Variants in ATP13A4 observed in about 807,000 individuals in gnomAD.
ATP13A4 encodes ATPase 13A4, also known as probable cation-transporting ATPase 13A4.
ATP13A4 carries 114 observed loss-of-function variants against 142.5 expected under a neutral mutation model. The observed-to-expected ratio is 0.80, with a 90% CI of 0.69 to 0.93. ATP13A4 has a LOEUF of 0.93. Ranked by LOEUF, ATP13A4 falls within the 40% of genes least tolerant of loss-of-function variation. The pLI, the probability that ATP13A4 is intolerant of heterozygous loss-of-function variation, is 0.00. For synonymous variants in ATP13A4, 488 were observed against 514.8 expected (o/e 0.95, Z 0.70); for missense variants, 1,392 against 1,454.0 (o/e 0.96, Z 0.69).
intron 1 of ATP13A4, among the ~76,000 whole-genome samples, chr3:193,542,447 T>C (rs1722982312): frequency 6.6e-6 from 1 of 152,154 alleles, no homozygotes; most frequent in Admixed American, 6.5e-5. Context: ...GCCATTGACA[T>C]TCTTCATAGA....
intron 1 of ATP13A4, among the ~76,000 whole-genome samples, chr3:193,549,665 A>G (rs1305008906): frequency 6.6e-6 from 1 of 152,038 alleles, no homozygotes; most frequent in African/African-American, 2.4e-5. Context: ...CCCTCTCTCT[A>G]CATAAAATAC....
chr3:193,412,615 GAGAGAGAGAGAGAC>G (rs374110385), intron 26 of ATP13A4, among the ~76,000 whole-genome samples: 3 of 151,996 alleles, frequency 2.0e-5, no homozygotes, highest in African/African-American at 7.2e-5. Flanking sequence ...TACATTGAGA[GAGAGAGAGAGAGAC>G]AGAGAGAGAG....
At chr3:193,562,303 T>G (rs930260706) in intron 2 of ATP13A4, among the ~76,000 whole-genome samples, 1 of 152,152 alleles carries the variant, frequency 6.6e-6, no homozygotes, top group Admixed American at 6.5e-5. Flanking sequence ...AATAAAAGAA[T>G]AAAGTAGATC....
chr3:193,527,477 T>A (rs659400), intron 1 of ATP13A4, among the ~76,000 whole-genome samples: 68,769 of 151,756 alleles, frequency 0.45, 16,088 homozygotes, highest in South Asian at 0.59. Context: ...CTGGGCATGG[T>A]GACATGTGCC....
chr3:193,440,409 T>C, intron 21 of ATP13A4, 149 bp downstream of exon 21: 1 of 1,436,712 alleles, frequency 7.0e-7, no homozygotes, highest in Non-Finnish European at 9.4e-7. Flanking sequence ...TACTGCTATT[T>C]TCTCCAAAGC....
intron 24 of ATP13A4, among the ~76,000 whole-genome samples, chr3:193,434,716 C>T (rs1445969664): frequency 6.6e-6 from 1 of 152,128 alleles, no homozygotes; most frequent in African/African-American, 2.4e-5. Flanking sequence ...GACGAACTTT[C>T]TTTCCTTGGT....
chr3:193,502,667 A>G, intron 2 of ATP13A4, 28 bp from the exon 3 acceptor site: 13 of 1,607,130 alleles, frequency 8.1e-6, no homozygotes, highest in Non-Finnish European at 1.0e-5. Flanking sequence ...AAAACCCCCA[A>G]GAAGTTAAGA....
chr3:193,490,988 A>G (rs1719911688), intron 6 of ATP13A4, among the ~76,000 whole-genome samples: 1 of 152,168 alleles, frequency 6.6e-6, no homozygotes, highest in Non-Finnish European at 1.5e-5. Flanking sequence ...TGTATCTGTT[A>G]CCTAACAAAA....
chr3:193,523,209 C>A (rs146424837), intron 1 of ATP13A4, among the ~76,000 whole-genome samples: 1 of 151,574 alleles, frequency 6.6e-6, no homozygotes, highest in African/African-American at 2.4e-5. Flanking sequence ...GCAGCTGAGA[C>A]AGGAGAATCA....
At chr3:193,504,685 T>C (rs1290525831) in intron 2 of ATP13A4, among the ~76,000 whole-genome samples, 1 of 152,130 alleles carries the variant, frequency 6.6e-6, no homozygotes, top group Non-Finnish European at 1.5e-5. Context: ...CATTTTTATG[T>C]CGAGCCTGAA....
At chr3:193,448,148 A>T in intron 18 of ATP13A4, 58 bp downstream of exon 18, 1 of 1,603,814 alleles carries the variant, frequency 6.2e-7, no homozygotes, top group Non-Finnish European at 8.5e-7. Context: ...AAATGAGTGA[A>T]CCATGTCTAT....
At chr3:193,442,191 T>C (rs1038347528) in intron 19 of ATP13A4, among the ~76,000 whole-genome samples, 2 of 152,224 alleles carry the variant, frequency 1.3e-5, no homozygotes, top group African/African-American at 4.8e-5. Flanking sequence ...GGTTAAAAGA[T>C]GGATTATTTC....
At chr3:193,486,257 G>GTTTAGAAGTTTATATTTTAGAAGTTT (rs1389537254) in intron 7 of ATP13A4, among the ~76,000 whole-genome samples, 14 of 152,256 alleles carry the variant, frequency 9.2e-5, no homozygotes, top group Non-Finnish European at 1.5e-4. Context: ...AGTCTGCGAT[G>GTTTAGAAGTTTATATTTTAGAAGTTT]AGATTTAGAA....
intron 25 of ATP13A4, among the ~76,000 whole-genome samples, chr3:193,428,036 A>T (rs1445005398): frequency 1.3e-5 from 2 of 152,110 alleles, no homozygotes; most frequent in African/African-American, 2.4e-5. Context: ...TTTGCAATCT[A>T]CTCATCTGAC....
chr3:193,447,756 C>T (rs906398468), intron 18 of ATP13A4, among the ~76,000 whole-genome samples: 1 of 152,136 alleles, frequency 6.6e-6, no homozygotes, highest in Non-Finnish European at 1.5e-5. Context: ...TCTTAAATTT[C>T]TAGAATCGTG....
intron 1 of ATP13A4, among the ~76,000 whole-genome samples, chr3:193,552,109 G>A (rs1237135977): frequency 1.3e-5 from 2 of 152,294 alleles, no homozygotes; most frequent in East Asian, 3.9e-4. Context: ...AAGTAGCTGG[G>A]ACTACAGGTG....
chr3:193,558,505 C>T (rs2108735222), upstream of ATP13A4, among the ~76,000 whole-genome samples: 1 of 152,222 alleles, frequency 6.6e-6, no homozygotes, highest in East Asian at 1.9e-4. Context: ...ATAAATTATG[C>T]CCCAGAAAAG....
chr3:193,508,419 A>G (rs1417026477), intron 2 of ATP13A4, among the ~76,000 whole-genome samples: 1 of 152,064 alleles, frequency 6.6e-6, no homozygotes, highest in Non-Finnish European at 1.5e-5. Context: ...TCTAGTTCCA[A>G]CTCTAGTTCA....
chr3:193,576,138 A>G (rs1488875096), intron 2 of ATP13A4, among the ~76,000 whole-genome samples: 1 of 152,084 alleles, frequency 6.6e-6, no homozygotes. Flanking sequence ...GAGGAAGCCA[A>G]AGATCTGAAT....
Sources: allele counts gnomAD v4.1 joint callset (sites outside exome capture counted in the v4.1 genomes callset), GRCh38; gene constraint gnomAD v4.1.1; transcripts MANE v1.5; gene names NCBI Gene and HGNC (gene_info 2026-07-23, HGNC 2026-07-21).